PIK3C2A: variants seen among roughly 807,000 people sequenced by gnomAD.
PIK3C2A encodes phosphatidylinositol-4-phosphate 3-kinase catalytic subunit type 2 alpha.
Under a neutral mutation model 204.5 loss-of-function variants are expected in PIK3C2A, and 97 were observed. That is an observed-to-expected ratio of 0.47 (90% CI 0.40 to 0.56). The LOEUF (loss-of-function observed/expected upper bound fraction) is 0.56, where lower values mean the gene tolerates loss of function less well. PIK3C2A is among the 20% of genes least tolerant of loss of function. The probability of loss-of-function intolerance (pLI) is 0.00; values close to 1 mark genes in which losing one functional copy is unlikely to be tolerated. For synonymous variants in PIK3C2A, 653 were observed against 664.4 expected, an observed-to-expected ratio of 0.98 and a Z score of 0.26; for missense variants, 1,735 against 1,969.2, an observed-to-expected ratio of 0.88 and a Z score of 2.25.
intron 22 of PIK3C2A, among the ~76,000 whole-genome samples, chr11:17,108,235 A>T (rs1470697628): frequency 2.0e-5 from 3 of 152,220 alleles, no homozygotes; most frequent in African/African-American, 7.2e-5. Context: ...CGAACTCAAC[A>T]AATTGAAAAG....
chr11:17,166,437 G>T (rs1290389547), intron 2 of PIK3C2A, among the ~76,000 whole-genome samples: 1 of 152,174 alleles, frequency 6.6e-6, no homozygotes, highest in Non-Finnish European at 1.5e-5. Flanking sequence ...TGACTACATT[G>T]CATCTGGAAT....
intron 16 of PIK3C2A, 69 bp from the exon 17 acceptor site, chr11:17,119,382 C>T: frequency 1.1e-6 from 1 of 881,808 alleles, no homozygotes; most frequent in Non-Finnish European, 1.9e-6. Flanking sequence ...TTTTTGAAAA[C>T]ACAATCTCAA....
At chr11:17,180,847 G>C (rs1851524782) in intron 1 of PIK3C2A, among the ~76,000 whole-genome samples, 1 of 152,106 alleles carries the variant, frequency 6.6e-6, no homozygotes, top group Non-Finnish European at 1.5e-5. Context: ...TATATTACTT[G>C]TACTGTTTTG....
chr11:17,118,605 A>G, intron 18 of PIK3C2A, 40 bp downstream of exon 18: 2 of 891,066 alleles, frequency 2.2e-6, no homozygotes, highest in Non-Finnish European at 3.7e-6. Flanking sequence ...TATAAATTCT[A>G]GGAATGGAAA....
At chr11:17,156,488 G>T (rs897915757) in intron 2 of PIK3C2A, among the ~76,000 whole-genome samples, 1 of 152,034 alleles carries the variant, frequency 6.6e-6, no homozygotes, top group African/African-American at 2.4e-5. Flanking sequence ...CTGAGGTCAG[G>T]TGATCCACCT....
chr11:17,139,034 A>T (rs1849967840), intron 8 of PIK3C2A, among the ~76,000 whole-genome samples: 1 of 151,542 alleles, frequency 6.6e-6, no homozygotes, highest in Non-Finnish European at 1.5e-5. Flanking sequence ...CAGCCTCCTA[A>T]GTAGCTGGGA....
At chr11:17,101,653 G>A (rs1213075513) in intron 24 of PIK3C2A, among the ~76,000 whole-genome samples, 5 of 149,976 alleles carry the variant, frequency 3.3e-5, no homozygotes, top group African/African-American at 9.9e-5. Flanking sequence ...GCCCAGGCTG[G>A]AGTGCAGTGG....
At chr11:17,146,541 C>T (rs1324135966) in intron 6 of PIK3C2A, among the ~76,000 whole-genome samples, 3 of 151,210 alleles carry the variant, frequency 2.0e-5, no homozygotes, top group Non-Finnish European at 4.4e-5. Context: ...ACCAAAAACC[C>T]GTCTCTACTA....
At chr11:17,186,085 C>A (rs1251564019) in intron 1 of PIK3C2A, among the ~76,000 whole-genome samples, 1 of 152,152 alleles carries the variant, frequency 6.6e-6, no homozygotes, top group Non-Finnish European at 1.5e-5. Context: ...CCTTGTTGTT[C>A]CTCAACACCT....
intron 22 of PIK3C2A, among the ~76,000 whole-genome samples, chr11:17,106,396 C>T (rs992446016): frequency 6.6e-6 from 1 of 151,886 alleles, no homozygotes; most frequent in Non-Finnish European, 1.5e-5. Context: ...TGGACGACAG[C>T]GAGACCCTGT....
intron 1 of PIK3C2A, among the ~76,000 whole-genome samples, chr11:17,173,879 T>G (rs1349119498): frequency 6.6e-6 from 1 of 152,206 alleles, no homozygotes; most frequent in Non-Finnish European, 1.5e-5. Context: ...CTCGGCTCAC[T>G]GCAACCTCTG....
intron 2 of PIK3C2A, among the ~76,000 whole-genome samples, chr11:17,155,954 G>A (rs923374156): frequency 6.6e-6 from 1 of 151,984 alleles, no homozygotes; most frequent in Non-Finnish European, 1.5e-5. Flanking sequence ...GAAATTAAAG[G>A]ACTCTCTGTT....
intron 22 of PIK3C2A, among the ~76,000 whole-genome samples, chr11:17,109,136 G>C (rs539845308): frequency 6.6e-6 from 1 of 152,318 alleles, no homozygotes; most frequent in South Asian, 2.1e-4. Flanking sequence ...TTGGAAGGAC[G>C]ATTATCTTTC....
intron 1 of PIK3C2A, among the ~76,000 whole-genome samples, chr11:17,189,812 CAA>C (rs759869051): frequency 2.1e-3 from 124 of 60,348 alleles, no homozygotes; most frequent in Non-Finnish European, 3.8e-3. Flanking sequence ...GGCTCTGTCT[CAA>C]AAAAAAAAAA....
chr11:17,091,503 G>A, intron 31 of PIK3C2A, 44 bp from the exon 32 acceptor site: 1 of 1,610,556 alleles, frequency 6.2e-7, no homozygotes, highest in Non-Finnish European at 8.5e-7. Flanking sequence ...TTCCTACCAA[G>A]GTAAGGGTTT....
intron 3 of PIK3C2A, among the ~76,000 whole-genome samples, chr11:17,153,530 C>T (rs1850486965): frequency 6.6e-6 from 1 of 150,938 alleles, no homozygotes; most frequent in African/African-American, 2.4e-5. Context: ...AGAAATAGGA[C>T]AAAAAACTCA....
At chr11:17,156,498 T>G (rs1347310230) in intron 2 of PIK3C2A, among the ~76,000 whole-genome samples, 1 of 152,130 alleles carries the variant, frequency 6.6e-6, no homozygotes, top group Non-Finnish European at 1.5e-5. Flanking sequence ...GTGATCCACC[T>G]CAGCCTCCCA....
In PIK3C2A at chr11:17,094,692, G is replaced by T. The variant is rs541802848; in HGVS notation, c.4327-307C>A. 2.6e-5 allele frequency among the ~76,000 whole-genome samples: 4 copies of T among 152,254 alleles called. No homozygotes were observed. The East Asian group carries it at 7.7e-4, about 29-fold the overall frequency. On this transcript the variant is annotated intron_variant, in intron 27 of 32. Transcript: ENST00000691414. ...TGAACCGAGATGGCACTGTACTCCAGCCTGGGCAACAGAGCGAGACTCCAT... is the reference window on the plus strand; with the variant it reads ...TGAACCGAGATGGCACTGTACTCCATCCTGGGCAACAGAGCGAGACTCCAT...
At chr11:17,187,292 T>C (rs1851784513) in intron 1 of PIK3C2A, among the ~76,000 whole-genome samples, 3 of 152,168 alleles carry the variant, frequency 2.0e-5, no homozygotes, top group Admixed American at 1.3e-4. Context: ...ATGGTTAATA[T>C]TGTCAGAAAC....
Sources: allele counts gnomAD v4.1 joint callset (sites outside exome capture counted in the v4.1 genomes callset), GRCh38; gene constraint gnomAD v4.1.1; transcripts MANE v1.5; gene names NCBI Gene and HGNC (gene_info 2026-07-23, HGNC 2026-07-21).